Variants in CCDC178 observed in about 807,000 individuals in gnomAD.
CCDC178 encodes the protein coiled-coil domain containing 178.
CCDC178 carries 126 observed loss-of-function variants against 117.4 expected under a neutral mutation model. That is an observed-to-expected ratio of 1.07 (90% CI 0.93 to 1.24). The LOEUF is 1.24. Ranked by LOEUF, CCDC178 falls within the 50% of genes most tolerant of loss-of-function variation. CCDC178 has a pLI of 0.00. For missense variants in CCDC178, 1,030 were observed against 986.9 expected, an observed-to-expected ratio of 1.04 and a Z score of -0.59; for synonymous variants, 283 against 313.4, an observed-to-expected ratio of 0.90 and a Z score of 1.02.
chr18:32,973,894 A>G (rs1466935666), intron 22 of CCDC178, among the ~76,000 whole-genome samples: 1 of 152,166 alleles, frequency 6.6e-6, no homozygotes, highest in Non-Finnish European at 1.5e-5. Context: ...AACATGTGAT[A>G]TGGTAAAACA....
intron 20 of CCDC178, among the ~76,000 whole-genome samples, chr18:33,163,884 T>C (rs2058495727): frequency 6.6e-6 from 1 of 152,186 alleles, no homozygotes; most frequent in Non-Finnish European, 1.5e-5. Flanking sequence ...ATCAATTGCA[T>C]CTGTGGAAAG....
At chr18:33,388,819 C>T (rs1231853564) in intron 5 of CCDC178, among the ~76,000 whole-genome samples, 6 of 152,004 alleles carry the variant, frequency 3.9e-5, no homozygotes, top group Non-Finnish European at 8.8e-5. Flanking sequence ...TAAAAAGGAA[C>T]GAGATCATGT....
intron 21 of CCDC178, among the ~76,000 whole-genome samples, chr18:33,068,679 A>G (rs2057059631): frequency 1.3e-5 from 2 of 149,880 alleles, no homozygotes; most frequent in South Asian, 4.2e-4. Context: ...TCAACATAAT[A>G]AAGACCATAT....
chr18:33,323,262 T>C, intron 11 of CCDC178: 1 of 259,062 alleles, frequency 3.9e-6, no homozygotes. Context: ...TGAAGAGCTT[T>C]AAGATGACAC....
Position 33,271,032 on chromosome 18 carries a change from A to G in CCDC178, c.1177-3735T>C, listed in dbSNP as rs144191553. ...GTATACTATTGAAATTGTTAGTATT[A>G]ATCCAAAATAATTTTTTTTGTAAAT... On this transcript the variant is annotated intron_variant, in intron 12 of 22. Coordinates refer to ENST00000383096, the MANE Select transcript of CCDC178 (RefSeq NM_001105528.4). Among the ~76,000 whole-genome samples, 98 of 151,624 alleles carry G rather than the reference A, an allele frequency of 6.5e-4. No individual in the cohort carries two copies. The East Asian group carries it at 0.017, about 26-fold the overall frequency.
chr18:33,097,414 T>C (rs180729082), intron 20 of CCDC178, among the ~76,000 whole-genome samples: 40 of 152,256 alleles, frequency 2.6e-4, no homozygotes, highest in Non-Finnish European at 5.0e-4. Flanking sequence ...AACAGAGACA[T>C]GCCATCCCCG....
chr18:32,940,896 T>G (rs545709711), intron 22 of CCDC178, among the ~76,000 whole-genome samples: 20 of 152,200 alleles, frequency 1.3e-4, no homozygotes, highest in Admixed American at 8.5e-4. Flanking sequence ...GAAATGATTT[T>G]CTGGGGTGTG....
At chr18:33,422,035 A>T (rs751546439) in intron 2 of CCDC178, among the ~76,000 whole-genome samples, 20 of 152,194 alleles carry the variant, frequency 1.3e-4, no homozygotes, top group Admixed American at 2.6e-4. Flanking sequence ...CCTTCCTCAC[A>T]TGCTTTTGCT....
intron 9 of CCDC178, among the ~76,000 whole-genome samples, chr18:33,336,991 T>A (rs1021087688): frequency 1.3e-5 from 2 of 152,092 alleles, no homozygotes; most frequent in Non-Finnish European, 2.9e-5. Context: ...CTTTTGGCCA[T>A]ATGGTCATTT....
At chr18:33,195,209 A>C (rs1002824989) in intron 20 of CCDC178, among the ~76,000 whole-genome samples, 1 of 152,146 alleles carries the variant, frequency 6.6e-6, no homozygotes, top group Non-Finnish European at 1.5e-5. Flanking sequence ...AGAAAAGTTT[A>C]GTAAAATATA....
intron 20 of CCDC178, among the ~76,000 whole-genome samples, chr18:33,103,005 C>A (rs538164631): frequency 4.0e-4 from 61 of 151,904 alleles, no homozygotes; most frequent in Middle Eastern, 3.4e-3. Flanking sequence ...CCTTTATAGA[C>A]AAACATTTGC....
intron 11 of CCDC178, among the ~76,000 whole-genome samples, chr18:33,321,978 T>C (rs2062516739): frequency 6.6e-6 from 1 of 151,966 alleles, no homozygotes; most frequent in Non-Finnish European, 1.5e-5. Flanking sequence ...AGTACAACTG[T>C]ATTCATGCCT....
At chr18:33,355,863 G>T (rs887195814) in intron 7 of CCDC178, among the ~76,000 whole-genome samples, 2 of 152,146 alleles carry the variant, frequency 1.3e-5, no homozygotes, top group Admixed American at 6.5e-5. Flanking sequence ...TGAGAATGAT[G>T]TTCCTATTAT....
At chr18:33,273,605 A>C (rs1162757290) in intron 12 of CCDC178, among the ~76,000 whole-genome samples, 1 of 151,714 alleles carries the variant, frequency 6.6e-6, no homozygotes, top group African/African-American at 2.4e-5. Flanking sequence ...GTGTCTAGAC[A>C]ATTCAATGAG....
intron 18 of CCDC178, among the ~76,000 whole-genome samples, chr18:33,216,667 A>G (rs141120773): frequency 6.8e-4 from 103 of 152,022 alleles, no homozygotes; most frequent in Middle Eastern, 3.4e-3. Context: ...TTACTATAAA[A>G]CCTTACTGTT....
intron 21 of CCDC178, among the ~76,000 whole-genome samples, chr18:33,080,817 A>G (rs2057285500): frequency 6.6e-6 from 1 of 152,200 alleles, no homozygotes; most frequent in Non-Finnish European, 1.5e-5. Flanking sequence ...GTGCAACTCA[A>G]TGATTTACAC....
intron 20 of CCDC178, among the ~76,000 whole-genome samples, chr18:33,202,262 C>T (rs151128078): frequency 7.6e-4 from 116 of 151,654 alleles, no homozygotes; most frequent in Middle Eastern, 3.4e-3. Context: ...CGTGGTGGTG[C>T]GCACCTGTAA....
chr18:33,336,853 G>T (rs563728406), intron 9 of CCDC178, among the ~76,000 whole-genome samples: 1 of 152,100 alleles, frequency 6.6e-6, no homozygotes, highest in Admixed American at 6.5e-5. Context: ...TGTTCTTTTT[G>T]CTTAGTCTTG....
intron 6 of CCDC178, among the ~76,000 whole-genome samples, chr18:33,360,471 TC>T (rs1264399629): frequency 1.3e-5 from 2 of 151,442 alleles, no homozygotes; most frequent in African/African-American, 2.4e-5. Flanking sequence ...CCACATTATG[TC>T]AAGTGAAAAA....
Sources: allele counts gnomAD v4.1 joint callset (sites outside exome capture counted in the v4.1 genomes callset), GRCh38; gene constraint gnomAD v4.1.1; transcripts MANE v1.5; gene names NCBI Gene and HGNC (gene_info 2026-07-23, HGNC 2026-07-21).